GABBR2: variants seen among roughly 807,000 people sequenced by gnomAD.
GABBR2 encodes gamma-aminobutyric acid type B receptor subunit 2, also known as G-protein coupled receptor 51.
In GABBR2, 23 loss-of-function variants were observed where a neutral mutation model predicts 105.6. The observed-to-expected ratio is 0.22, with a 90% CI of 0.16 to 0.31. The LOEUF (loss-of-function observed/expected upper bound fraction) is 0.31. GABBR2 is among the 10% of genes least tolerant of loss of function. The pLI is 1.00. For missense variants in GABBR2, 734 were observed against 1,245.5 expected, an observed-to-expected ratio of 0.59 and a Z score of 6.18; for synonymous variants, 478 against 499.7, an observed-to-expected ratio of 0.96 and a Z score of 0.58.
At chr9:98,570,807 G>T (rs1367977816) in intron 2 of GABBR2, among the ~76,000 whole-genome samples, 2 of 152,242 alleles carry the variant, frequency 1.3e-5, no homozygotes, top group African/African-American at 4.8e-5. Context: ...TGAGCCCAAG[G>T]CTGTGTTAGG....
intron 1 of GABBR2, chr9:98,608,092 G>A (rs1157061354): frequency 1.2e-5 from 16 of 1,308,080 alleles, no homozygotes; most frequent in Admixed American, 7.3e-5. Flanking sequence ...CGAACTCTTC[G>A]AGAACCTTGG....
intron 6 of GABBR2, among the ~76,000 whole-genome samples, chr9:98,470,036 C>A (rs1272672008): frequency 6.6e-6 from 1 of 152,156 alleles, no homozygotes; most frequent in Non-Finnish European, 1.5e-5. Flanking sequence ...TGTGGTCAGA[C>A]CATAAATAGG....
intron 2 of GABBR2, among the ~76,000 whole-genome samples, chr9:98,570,576 C>T (rs994121771): frequency 6.6e-6 from 1 of 152,224 alleles, no homozygotes. Context: ...ATCTTCCCCA[C>T]CCAGCTCCAA....
chr9:98,476,193 C>T (rs565384400), intron 5 of GABBR2, among the ~76,000 whole-genome samples: 19 of 152,220 alleles, frequency 1.2e-4, no homozygotes, highest in Non-Finnish European at 2.5e-4. Flanking sequence ...AGAGGCAGCA[C>T]TGAGCAGGAA....
At chr9:98,542,483 A>G (rs946312540) in intron 2 of GABBR2, among the ~76,000 whole-genome samples, 1 of 152,218 alleles carries the variant, frequency 6.6e-6, no homozygotes, top group Non-Finnish European at 1.5e-5. Flanking sequence ...AATTTACTGA[A>G]TCGTTTCTAA....
At chr9:98,300,592 G>T (rs1470655073) in intron 16 of GABBR2, among the ~76,000 whole-genome samples, 1 of 152,178 alleles carries the variant, frequency 6.6e-6, no homozygotes, top group Non-Finnish European at 1.5e-5. Flanking sequence ...CTGTATAATA[G>T]AATGGCTTTC....
chr9:98,367,255 T>A (rs1831695662), intron 12 of GABBR2, among the ~76,000 whole-genome samples: 1 of 123,488 alleles, frequency 8.1e-6, no homozygotes, highest in Non-Finnish European at 1.7e-5. Context: ...AAAAAGCAAA[T>A]GATTGCATTT....
intron 6 of GABBR2, among the ~76,000 whole-genome samples, chr9:98,456,590 T>C (rs1404737314): frequency 6.6e-6 from 1 of 152,208 alleles, no homozygotes; most frequent in Non-Finnish European, 1.5e-5. Context: ...AATACCTGCT[T>C]AGGCCCTTTT....
intron 11 of GABBR2, among the ~76,000 whole-genome samples, chr9:98,381,173 C>T (rs1036087542): frequency 3.3e-5 from 5 of 152,226 alleles, no homozygotes; most frequent in Admixed American, 6.5e-5. Context: ...TTGTCTGAAT[C>T]GTCTTGTTTA....
intron 13 of GABBR2, among the ~76,000 whole-genome samples, chr9:98,349,685 G>A (rs1280525484): frequency 6.6e-6 from 1 of 152,090 alleles, no homozygotes; most frequent in Non-Finnish European, 1.5e-5. Flanking sequence ...TTAAATCTAT[G>A]TTCATCAGGA....
intron 1 of GABBR2, among the ~76,000 whole-genome samples, chr9:98,591,457 C>T (rs1029891737): frequency 1.3e-5 from 2 of 152,084 alleles, no homozygotes; most frequent in Admixed American, 6.5e-5. Flanking sequence ...CAGGGGAGTG[C>T]CGAGAGGGAA....
chr9:98,438,170 CCTATCCAT>C (rs751186795), intron 7 of GABBR2, among the ~76,000 whole-genome samples: 4 of 120,004 alleles, frequency 3.3e-5, no homozygotes, highest in African/African-American at 6.2e-5. Context: ...TATCCATCTA[CCTATCCAT>C]CCATCCATCC....
intron 1 of GABBR2, among the ~76,000 whole-genome samples, chr9:98,629,538 G>A (rs956596263): frequency 3.9e-5 from 6 of 152,172 alleles, no homozygotes; most frequent in African/African-American, 1.4e-4. Flanking sequence ...ATATTAACTG[G>A]ATATAGTAGA....
intron 1 of GABBR2, among the ~76,000 whole-genome samples, chr9:98,627,262 A>G (rs1829751607): frequency 6.6e-6 from 1 of 152,108 alleles, no homozygotes; most frequent in African/African-American, 2.4e-5. Context: ...AGCAGATGGC[A>G]AGCTGTGGCC....
chr9:98,484,999 T>A (rs1588188058), intron 4 of GABBR2, among the ~76,000 whole-genome samples: 1 of 151,788 alleles, frequency 6.6e-6, no homozygotes. Context: ...TAGTAGGGGG[T>A]AGGGAGGGGC....
chr9:98,291,511 T>C lies in GABBR2; in HGVS notation c.2661-762A>G, dbSNP rs537998494. Among the ~76,000 whole-genome samples, 9 of 152,350 alleles carry C rather than the reference T, an allele frequency of 5.9e-5. No homozygotes were observed. The South Asian group carries it at 1.5e-3, about 25-fold the overall frequency. On this transcript the variant is annotated intron_variant, in intron 18 of 18. Transcript: ENST00000259455. ...TCTGCTTTGCCCAGGACCGCATCTCTTCTTGCTGGGCCAATTCCCACAGGC... is the reference window on the plus strand; with the variant it reads ...TCTGCTTTGCCCAGGACCGCATCTCCTCTTGCTGGGCCAATTCCCACAGGC...
At chr9:98,473,385 G>A (rs753494414) in intron 5 of GABBR2, 39 bp from the exon 6 acceptor site, 21 of 1,393,482 alleles carry the variant, frequency 1.5e-5, no homozygotes, top group South Asian at 3.5e-5. Context: ...ATTGAGAGTC[G>A]CACAGTTCAA....
intron 13 of GABBR2, among the ~76,000 whole-genome samples, chr9:98,316,769 T>G (rs1830726285): frequency 6.6e-6 from 1 of 152,232 alleles, no homozygotes; most frequent in African/African-American, 2.4e-5. Flanking sequence ...TTGGGAACTC[T>G]ACACCCGTCA....
chr9:98,539,062 A>T (rs1431720304), intron 3 of GABBR2, among the ~76,000 whole-genome samples: 2 of 152,232 alleles, frequency 1.3e-5, no homozygotes, highest in Admixed American at 1.3e-4. Flanking sequence ...GCTACCCAAC[A>T]GTCAAGACCT....
Sources: gnomAD v4.1 joint callset for allele counts (sites outside exome capture counted in the v4.1 genomes callset) on GRCh38, gnomAD v4.1.1 for gene constraint, MANE v1.5 for transcripts, NCBI Gene and HGNC (gene_info 2026-07-23, HGNC 2026-07-21) for gene names.